Variants in SORL1 observed in about 807,000 individuals in gnomAD.
The protein encoded by SORL1 is sortilin related receptor 1, also known as sortilin-related receptor.
SORL1 carries 127 observed loss-of-function variants against 273.7 expected under a neutral mutation model. The ratio of observed to expected loss-of-function variants is 0.46; its 90% CI spans 0.40 to 0.54. SORL1 has a LOEUF of 0.54. Ranked by LOEUF, SORL1 falls within the 20% of genes least tolerant of loss-of-function variation. SORL1 has a pLI of 0.00. For missense variants in SORL1, 2,494 were observed against 2,846.1 expected (o/e 0.88, Z 2.81); for synonymous variants, 1,031 against 1,067.4 (o/e 0.97, Z 0.66).
At chr11:121,621,005 C>T in intron 43 of SORL1, 59 bp from the exon 44 acceptor site, 1 of 1,304,570 alleles carries the variant, frequency 7.7e-7, no homozygotes, top group Non-Finnish European at 1.1e-6. Flanking sequence ...CATTGAACTA[C>T]AAAGAGTGAA....
intron 21 of SORL1, among the ~76,000 whole-genome samples, chr11:121,562,188 C>G (rs1862687347): frequency 6.6e-6 from 1 of 152,142 alleles, no homozygotes; most frequent in Non-Finnish European, 1.5e-5. Flanking sequence ...CTCCATCAAG[C>G]AAGGGCCTGA....
intron 17 of SORL1, 39 bp from the exon 18 acceptor site, chr11:121,555,148 A>T: frequency 1.9e-6 from 3 of 1,590,428 alleles, no homozygotes; most frequent in Non-Finnish European, 8.6e-7. Context: ...GGGTCGTTTG[A>T]ACAGTTCCTA....
At chr11:121,577,112 A>C (rs1862942582) in intron 24 of SORL1, 169 bp from the exon 25 acceptor site, 1 of 1,090,630 alleles carries the variant, frequency 9.2e-7, no homozygotes, top group Admixed American at 2.1e-5. Context: ...CACTGACTGG[A>C]AGCTGTTAAA....
chr11:121,618,732 G>A (rs1863675417), intron 41 of SORL1, 42 bp from the exon 42 acceptor site: 1 of 1,612,452 alleles, frequency 6.2e-7, no homozygotes. Context: ...GAGATCATCG[G>A]CCCATGAGCT....
chr11:121,535,058 A>G (rs985337834), intron 12 of SORL1, among the ~76,000 whole-genome samples: 9 of 151,712 alleles, frequency 5.9e-5, no homozygotes, highest in South Asian at 2.1e-4. Flanking sequence ...GAAATAGGTC[A>G]TGCATACTTA....
In SORL1 at chr11:121,559,551, C is replaced by T. The variant is rs1028738496; in HGVS notation, c.2943C>T (p.Leu981=). 4.3e-6 allele frequency: 7 copies of T among 1,614,044 alleles called. No individual in the cohort carries two copies. The highest frequency in any genetic ancestry group is 1.7e-5 in the Admixed American group (1 of 60,006). Residue 981 remains leucine (L), a synonymous_variant, in exon 21 of 48, where the codon CTC becomes CTT. Coordinates refer to ENST00000260197, the MANE Select transcript of SORL1 (RefSeq NM_003105.6). ...NEIYWDDWSQ[L]SIFRASKYSG... ...TCTACTGGGATGACTGGTCACAGCT[C>T]AGCATATTCCGAGCTTCCAAATACA...
At chr11:121,486,860 C>A (rs1224123189) in intron 3 of SORL1, among the ~76,000 whole-genome samples, 2 of 152,098 alleles carry the variant, frequency 1.3e-5, no homozygotes, top group African/African-American at 4.8e-5. Context: ...ACCTGGGAGG[C>A]TGAGGTGGGA....
chr11:121,517,497 C>T lies in SORL1; in HGVS notation c.1212-3160C>T, dbSNP rs529527420. 5.3e-5 allele frequency among the ~76,000 whole-genome samples: 8 copies of T among 152,320 alleles called. No individual in the cohort carries two copies. In the South Asian group the frequency reaches 1.2e-3, roughly 24 times the overall value. Reference sequence around the variant, plus strand: ...GAATCACTATCCCTCAGACCTTTCACTGACTCTTTAATTTTTCTTTTTTCA... The same window carrying T: ...GAATCACTATCCCTCAGACCTTTCATTGACTCTTTAATTTTTCTTTTTTCA... On this transcript the variant is annotated intron_variant, in intron 8 of 47. Transcript: ENST00000260197.
At chr11:121,586,194 T>C in intron 26 of SORL1, 28 bp from the exon 27 acceptor site, 2 of 1,562,866 alleles carry the variant, frequency 1.3e-6, no homozygotes, top group Non-Finnish European at 1.8e-6. Context: ...TCCTCGTCAT[T>C]CTTCTGTGTT....
intron 2 of SORL1, among the ~76,000 whole-genome samples, chr11:121,473,494 C>T (rs1385838997): frequency 6.6e-6 from 1 of 152,200 alleles, no homozygotes; most frequent in Non-Finnish European, 1.5e-5. Context: ...CTCTTTGTTT[C>T]TGCTCTCTCA....
At chr11:121,488,708 G>C (rs1861511204) in intron 4 of SORL1, among the ~76,000 whole-genome samples, 1 of 152,158 alleles carries the variant, frequency 6.6e-6, no homozygotes, top group Admixed American at 6.5e-5. Flanking sequence ...CTTCAACCCA[G>C]GTTTGAAGGA....
chr11:121,544,137 G>A (rs1402032799), intron 13 of SORL1, among the ~76,000 whole-genome samples: 1 of 152,086 alleles, frequency 6.6e-6, no homozygotes, highest in Non-Finnish European at 1.5e-5. Flanking sequence ...GTTGTGATCT[G>A]CTAATCTAGA....
intron 1 of SORL1, among the ~76,000 whole-genome samples, chr11:121,468,084 C>G (rs980726725): frequency 2.6e-5 from 4 of 152,136 alleles, no homozygotes; most frequent in African/African-American, 9.7e-5. Flanking sequence ...CTGAGAGCAC[C>G]TCAAGGAGTG....
chr11:121,625,165 T>G lies in SORL1; in HGVS notation c.6252T>G (p.Ile2084Met). 6.2e-7 allele frequency: 1 copy of G among 1,613,994 alleles called. No individual in the cohort carries two copies. The highest frequency in any genetic ancestry group is 8.5e-7 in the Non-Finnish European group (1 of 1,179,868). ...ATACTACTGACAATTTCTTTAAAATTTCCAACCTGAAGATGGGTCATAATT... is the reference window on the plus strand; with the variant it reads ...ATACTACTGACAATTTCTTTAAAATGTCCAACCTGAAGATGGGTCATAATT... ...LGNTTDNFFK[I>M]SNLKMGHNYT... Residue 2084 changes from isoleucine to methionine, a missense_variant, in exon 46 of 48, where the codon ATT (isoleucine) becomes ATG (methionine). By Grantham distance (10) the Ile-to-Met change is conservative. Transcript: ENST00000260197.
intron 1 of SORL1, among the ~76,000 whole-genome samples, chr11:121,469,799 A>C (rs1294772852): frequency 6.6e-6 from 1 of 152,202 alleles, no homozygotes; most frequent in Admixed American, 6.5e-5. Flanking sequence ...TTTACATCCA[A>C]AATAGCAGGG....
chr11:121,584,981 C>T (rs1189863288), intron 26 of SORL1, among the ~76,000 whole-genome samples: 16 of 152,182 alleles, frequency 1.1e-4, no homozygotes, highest in Admixed American at 1.0e-3. Flanking sequence ...ATCAAGATAC[C>T]TTAGTTGTAG....
intron 3 of SORL1, among the ~76,000 whole-genome samples, chr11:121,483,253 C>G (rs757007486): frequency 1.6e-4 from 24 of 152,236 alleles, no homozygotes; most frequent in Non-Finnish European, 2.5e-4. Context: ...ATATCTGGGG[C>G]TTTTTAAAAA....
intron 30 of SORL1, 161 bp downstream of exon 30, chr11:121,590,335 A>G (rs1445897037): frequency 1.5e-5 from 10 of 668,826 alleles, no homozygotes; most frequent in African/African-American, 1.8e-5. Context: ...TCATTTTGAA[A>G]TAAGTGTGGT....
chr11:121,534,954 G>C (rs566378165), intron 12 of SORL1, among the ~76,000 whole-genome samples: 73 of 152,324 alleles, frequency 4.8e-4, no homozygotes, highest in African/African-American at 1.6e-3. Flanking sequence ...ACCTTTACAT[G>C]ATGCGCCTGA....
Sources: allele counts gnomAD v4.1 joint callset (sites outside exome capture counted in the v4.1 genomes callset), GRCh38; gene constraint gnomAD v4.1.1; transcripts MANE v1.5; gene names NCBI Gene and HGNC (gene_info 2026-07-23, HGNC 2026-07-21).